The following MYRIP variants were observed in gnomAD, a reference collection of about 807,000 sequenced individuals.
MYRIP encodes myosin VIIA and Rab interacting protein, also known as rab effector MyRIP.
A neutral mutation model predicts 98.0 loss-of-function variants in MYRIP; 49 were observed. The observed-to-expected ratio is 0.50, with a 90% CI of 0.40 to 0.63. The LOEUF (loss-of-function observed/expected upper bound fraction) is 0.63, where lower values mean the gene tolerates loss of function less well. Ranked by LOEUF, MYRIP falls within the 30% of genes least tolerant of loss-of-function variation. The probability of loss-of-function intolerance (pLI) is 0.00; values close to 1 mark genes in which losing one functional copy is unlikely to be tolerated. For synonymous variants in MYRIP, 404 were observed against 409.5 expected (o/e 0.99, Z 0.16); for missense variants, 1,004 against 1,058.2 (o/e 0.95, Z 0.71).
chr3:40,075,193 G>C (rs994310447), intron 3 of MYRIP, among the ~76,000 whole-genome samples: 1 of 152,080 alleles, frequency 6.6e-6, no homozygotes, highest in African/African-American at 2.4e-5. Flanking sequence ...GAAGATAAGT[G>C]GTGCAAACTT....
chr3:40,014,929 C>T (rs749370913), intron 2 of MYRIP, among the ~76,000 whole-genome samples: 30 of 152,186 alleles, frequency 2.0e-4, no homozygotes, highest in Non-Finnish European at 3.5e-4. Context: ...GGTCTGGGCT[C>T]TCCTGCTCCC....
intron 1 of MYRIP, among the ~76,000 whole-genome samples, chr3:39,841,121 T>G (rs549062126): frequency 6.6e-6 from 1 of 151,960 alleles, no homozygotes; most frequent in East Asian, 2.0e-4. Flanking sequence ...TTTGGTTTTT[T>G]CACATAGTCC....
intron 3 of MYRIP, among the ~76,000 whole-genome samples, chr3:40,135,218 G>A (rs1022070294): frequency 2.6e-5 from 4 of 152,160 alleles, no homozygotes; most frequent in Admixed American, 6.5e-5. Flanking sequence ...ACTATGGCAC[G>A]AGAACTACAT....
intron 2 of MYRIP, among the ~76,000 whole-genome samples, chr3:40,006,489 G>T (rs1435695482): frequency 6.6e-6 from 1 of 152,128 alleles, no homozygotes; most frequent in Non-Finnish European, 1.5e-5. Flanking sequence ...TATATTTAGG[G>T]GCTAGAATAT....
At chr3:40,221,251 G>C (rs1294886793) in intron 11 of MYRIP, among the ~76,000 whole-genome samples, 1 of 151,708 alleles carries the variant, frequency 6.6e-6, no homozygotes. Context: ...CAGAGAAAAT[G>C]GCCATGAACA....
At chr3:39,974,594 C>G (rs1301661739) in intron 2 of MYRIP, among the ~76,000 whole-genome samples, 1 of 151,668 alleles carries the variant, frequency 6.6e-6, no homozygotes, top group South Asian at 2.1e-4. Context: ...CAGAGACACA[C>G]CAAAAAAAGA....
intron 3 of MYRIP, among the ~76,000 whole-genome samples, chr3:40,066,951 G>A (rs1430673623): frequency 6.6e-6 from 1 of 152,090 alleles, no homozygotes; most frequent in Non-Finnish European, 1.5e-5. Flanking sequence ...TCATGTAGAA[G>A]GCAACTTTTA....
intron 7 of MYRIP, among the ~76,000 whole-genome samples, chr3:40,168,775 C>G (rs989533391): frequency 1.3e-5 from 2 of 152,140 alleles, no homozygotes; most frequent in African/African-American, 4.8e-5. Flanking sequence ...TGACTCCCCC[C>G]TCTCATCTCA....
chr3:40,135,359 G>T (rs1236797995), intron 3 of MYRIP, among the ~76,000 whole-genome samples: 2 of 152,184 alleles, frequency 1.3e-5, no homozygotes, highest in Admixed American at 1.3e-4. Flanking sequence ...AACGAAAAAA[G>T]CCTCCAAGAA....
intron 2 of MYRIP, among the ~76,000 whole-genome samples, chr3:39,934,507 G>T (rs528917267): frequency 1.3e-5 from 2 of 152,208 alleles, no homozygotes; most frequent in Admixed American, 1.3e-4. Flanking sequence ...AATCATGGCA[G>T]AACAGGCAAG....
chr3:40,091,498 A>G (rs1009830952), intron 3 of MYRIP, among the ~76,000 whole-genome samples: 2 of 152,200 alleles, frequency 1.3e-5, no homozygotes, highest in African/African-American at 4.8e-5. Context: ...ACTTTTTTAA[A>G]ATTAAAGAAT....
chr3:40,086,349 G>T (rs775414429), intron 3 of MYRIP, among the ~76,000 whole-genome samples: 3 of 152,168 alleles, frequency 2.0e-5, no homozygotes, highest in Non-Finnish European at 2.9e-5. Context: ...AGTTACTCTT[G>T]GCAGCCACCT....
intron 1 of MYRIP, among the ~76,000 whole-genome samples, chr3:39,852,979 A>C (rs531501075): frequency 6.6e-6 from 1 of 152,124 alleles, no homozygotes; most frequent in Non-Finnish European, 1.5e-5. Context: ...ACGGGGTTTC[A>C]TCATGTTGGT....
intron 1 of MYRIP, among the ~76,000 whole-genome samples, chr3:39,894,531 T>C (rs560308474): frequency 6.6e-6 from 1 of 152,326 alleles, no homozygotes; most frequent in Non-Finnish European, 1.5e-5. Context: ...GCATAGACGG[T>C]TCATTTGGAT....
At chr3:40,055,369 A>G (rs2125842834) in intron 3 of MYRIP, among the ~76,000 whole-genome samples, 1 of 152,326 alleles carries the variant, frequency 6.6e-6, no homozygotes, top group East Asian at 1.9e-4. Flanking sequence ...CAGTATAAAA[A>G]GGCTATCAAA....
intron 12 of MYRIP, chr3:40,238,718 C>G (rs1415004503): frequency 6.6e-6 from 1 of 151,964 alleles, no homozygotes; most frequent in Non-Finnish European, 1.5e-5. Context: ...TGTGGCATCT[C>G]TTTCCTTGAG....
intron 3 of MYRIP, among the ~76,000 whole-genome samples, chr3:40,099,112 G>A (rs753910511): frequency 6.6e-6 from 1 of 152,152 alleles, no homozygotes; most frequent in Non-Finnish European, 1.5e-5. Flanking sequence ...AGAACTTTCT[G>A]GTGACCACCC....
chr3:40,029,971 G>A (rs1443410258), intron 2 of MYRIP, among the ~76,000 whole-genome samples: 1 of 151,924 alleles, frequency 6.6e-6, no homozygotes, highest in African/African-American at 2.4e-5. Flanking sequence ...GAGGTGGGAG[G>A]ATCACTTGAG....
intron 7 of MYRIP, among the ~76,000 whole-genome samples, chr3:40,167,779 T>G (rs2125595288): frequency 6.6e-6 from 1 of 152,254 alleles, no homozygotes; most frequent in South Asian, 2.1e-4. Flanking sequence ...TTGCTAGAAC[T>G]CACAGAACTC....
Sources: gnomAD v4.1 joint callset for allele counts (sites outside exome capture counted in the v4.1 genomes callset) on GRCh38, gnomAD v4.1.1 for gene constraint, MANE v1.5 for transcripts, NCBI Gene and HGNC (gene_info 2026-07-23, HGNC 2026-07-21) for gene names.